NNT: variants seen among roughly 807,000 people sequenced by gnomAD.
NNT encodes NAD(P) transhydrogenase, mitochondrial.
A neutral mutation model predicts 104.8 loss-of-function variants in NNT; 50 were observed. The ratio of observed to expected loss-of-function variants is 0.48; its 90% CI spans 0.38 to 0.60. NNT has a LOEUF of 0.60. Among genes scored for constraint, NNT ranks in the 20% least tolerant of loss-of-function variants. NNT has a pLI of 0.00. For missense variants in NNT, 1,131 were observed against 1,330.7 expected, an observed-to-expected ratio of 0.85 and a Z score of 2.33; for synonymous variants, 461 against 490.4, an observed-to-expected ratio of 0.94 and a Z score of 0.79.
At chr5:43,662,175 C>T (rs1411621321) in intron 17 of NNT, among the ~76,000 whole-genome samples, 1 of 152,046 alleles carries the variant, frequency 6.6e-6, no homozygotes, top group African/African-American at 2.4e-5. Context: ...AAAGAGTATT[C>T]CCCACATTTC....
chr5:43,693,311 C>T (rs1301859659), intron 19 of NNT, among the ~76,000 whole-genome samples: 1 of 152,102 alleles, frequency 6.6e-6, no homozygotes, highest in Non-Finnish European at 1.5e-5. Flanking sequence ...TTTTAATTTT[C>T]ATGCTTAAAC....
At chr5:43,676,837 G>A (rs188248050) in intron 18 of NNT, among the ~76,000 whole-genome samples, 2 of 152,278 alleles carry the variant, frequency 1.3e-5, no homozygotes, top group Admixed American at 1.3e-4. Flanking sequence ...AAGGTTTGTA[G>A]GGAGGCGACG....
intron 5 of NNT, 60 bp downstream of exon 5, chr5:43,619,179 T>TC: frequency 2.1e-6 from 2 of 974,822 alleles, no homozygotes; most frequent in South Asian, 2.4e-5. Context: ...AGGGTATGTA[T>TC]AGTCTTAAAA....
chr5:43,641,601 A>G (rs996165061), intron 7 of NNT, among the ~76,000 whole-genome samples: 17 of 152,138 alleles, frequency 1.1e-4, no homozygotes, highest in Non-Finnish European at 5.9e-5. Flanking sequence ...TAAATGAGAA[A>G]CATTCATGTA....
At chr5:43,668,102 T>C (rs1197213842) in intron 17 of NNT, among the ~76,000 whole-genome samples, 1 of 152,256 alleles carries the variant, frequency 6.6e-6, no homozygotes, top group Non-Finnish European at 1.5e-5. Flanking sequence ...CTTTGCCCAC[T>C]TGTTGATGGG....
intron 7 of NNT, among the ~76,000 whole-genome samples, chr5:43,637,459 T>C (rs1428985819): frequency 2.6e-5 from 4 of 152,186 alleles, no homozygotes; most frequent in Non-Finnish European, 5.9e-5. Flanking sequence ...TCCATTAGGA[T>C]GCCTTTAGCT....
At chr5:43,669,753 G>T (rs1402788414) in intron 17 of NNT, among the ~76,000 whole-genome samples, 1 of 152,044 alleles carries the variant, frequency 6.6e-6, no homozygotes, top group African/African-American at 2.4e-5. Flanking sequence ...TTTTTTTGTT[G>T]TGTCTCTGTC....
At chr5:43,623,738 G>C (rs1750217775) in intron 5 of NNT, among the ~76,000 whole-genome samples, 1 of 152,186 alleles carries the variant, frequency 6.6e-6, no homozygotes, top group Non-Finnish European at 1.5e-5. Flanking sequence ...ACGTAATGCT[G>C]ATCATGCTTA....
chr5:43,613,055 A>G lies in NNT; in HGVS notation c.299A>G (p.Lys100Arg). ...VVESGAGEAS[K>R]FSDDHYRVAG... ...GAATCGGGTGCGGGCGAAGCTTCCA[A>G]GTTCTCAGATGATCACTATAGAGTG... The change falls in exon 3 of 22, where the codon AAG becomes AGG. Residue 100 changes from lysine to arginine, a missense_variant. Lys to Arg is a conservative substitution (Grantham distance 26, BLOSUM62 2). Coordinates refer to ENST00000344920, the MANE Select transcript of NNT (RefSeq NM_182977.3). 6.2e-7 allele frequency: 1 copy of G among 1,614,162 alleles called. No homozygotes were observed. Among genetic ancestry groups the G allele is most frequent in the Non-Finnish European group, 8.5e-7 (1 of 1,180,040 alleles).
At chr5:43,676,383 T>C (rs564517111) in intron 18 of NNT, among the ~76,000 whole-genome samples, 14 of 152,370 alleles carry the variant, frequency 9.2e-5, no homozygotes, top group African/African-American at 3.4e-4. Flanking sequence ...TGATTTGACA[T>C]GTGAGTAGTT....
chr5:43,629,045 T>A (rs1484175536), intron 7 of NNT, among the ~76,000 whole-genome samples: 1 of 151,984 alleles, frequency 6.6e-6, no homozygotes, highest in Non-Finnish European at 1.5e-5. Flanking sequence ...GAGCAGGTGG[T>A]GTTTGGTTGC....
chr5:43,639,969 G>A lies in NNT; in HGVS notation c.965-4223G>A, dbSNP rs140723930. On this transcript the variant is annotated intron_variant, in intron 7 of 21. Transcript: ENST00000344920. ...TTAGGAAATATAATGATCTTTTTGT[G>A]TATCTCATCTTTTGCAGATAAATGA... 2.2e-3 allele frequency among the ~76,000 whole-genome samples: 335 copies of A among 151,660 alleles called. 1 individual carries two copies. Among genetic ancestry groups the A allele is most frequent in the African/African-American group, 7.8e-3 (322 of 41,346 alleles).
At position 43,635,993 on chromosome 5, in the gene NNT, G is replaced by A. The variant is rs78589967; in HGVS notation, c.964+7606G>A. Among the ~76,000 whole-genome samples, 1,400 of 152,196 alleles carry A rather than the reference G, an allele frequency of 9.2e-3. 14 individuals are homozygous for A. Among genetic ancestry groups the A allele is most frequent in the African/African-American group, 0.032 (1,310 of 41,520 alleles). ...CCTCTTCTCTACTTTGTAATTTTAT[G>A]TGTTAATGTTTAATCTGTTCATTGG... is the stretch of plus-strand genomic sequence containing the variant. On this transcript the variant is annotated intron_variant, in intron 7 of 21. Coordinates refer to ENST00000344920, the MANE Select transcript of NNT (RefSeq NM_182977.3).
chr5:43,626,798 A>G (rs1198466737), intron 6 of NNT, among the ~76,000 whole-genome samples: 1 of 150,616 alleles, frequency 6.6e-6, no homozygotes, highest in African/African-American at 2.4e-5. Context: ...GTATGTGTAT[A>G]TATATGTATA....
chr5:43,680,675 A>G (rs1390426886), intron 19 of NNT, among the ~76,000 whole-genome samples: 1 of 152,218 alleles, frequency 6.6e-6, no homozygotes, highest in Non-Finnish European at 1.5e-5. Flanking sequence ...CATAGTCATA[A>G]TATGCTCACG....
intron 16 of NNT, 96 bp from the exon 17 acceptor site, chr5:43,659,074 AT>A: frequency 8.2e-7 from 1 of 1,220,016 alleles, no homozygotes; most frequent in Non-Finnish European, 1.1e-6. Flanking sequence ...AAATATATTA[AT>A]GGGAAAACTA....
chr5:43,678,020 A>T (rs751537376), intron 19 of NNT, among the ~76,000 whole-genome samples: 2 of 152,264 alleles, frequency 1.3e-5, no homozygotes. Flanking sequence ...CAAAATATGT[A>T]TCAATTAACA....
At chr5:43,641,423 C>T (rs924430722) in intron 7 of NNT, among the ~76,000 whole-genome samples, 4 of 152,054 alleles carry the variant, frequency 2.6e-5, no homozygotes, top group Middle Eastern at 3.4e-3. Flanking sequence ...TTATTAAAAA[C>T]GTTTAATTTT....
intron 15 of NNT, among the ~76,000 whole-genome samples, chr5:43,656,386 GT>G (rs1016754461): frequency 1.8e-4 from 27 of 152,268 alleles, no homozygotes; most frequent in African/African-American, 6.5e-4. Flanking sequence ...AATTGTAAGA[GT>G]TTTTTTCCCC....
Sources: allele counts gnomAD v4.1 joint callset (sites outside exome capture counted in the v4.1 genomes callset), GRCh38; gene constraint gnomAD v4.1.1; transcripts MANE v1.5; gene names NCBI Gene and HGNC (gene_info 2026-07-23, HGNC 2026-07-21).